HIPK1: variants seen among roughly 807,000 people sequenced by gnomAD.
HIPK1 encodes homeodomain-interacting protein kinase 1.
Under a neutral mutation model 117.1 loss-of-function variants are expected in HIPK1, and 28 were observed. That is an observed-to-expected ratio of 0.24 (90% confidence interval 0.18 to 0.33). HIPK1 has a LOEUF of 0.33. Ranked by LOEUF, HIPK1 falls within the 10% of genes least tolerant of loss-of-function variation. The pLI, the probability that HIPK1 is intolerant of heterozygous loss-of-function variation, is 1.00. For synonymous variants in HIPK1, 605 were observed against 562.5 expected (o/e 1.08, Z -1.07); for missense variants, 1,122 against 1,475.1 (o/e 0.76, Z 3.92).
chr1:113,963,379 C>T lies in HIPK1; in HGVS notation c.2104-8C>T, dbSNP rs199500099. ...TTGTTTCACTCACCTGCCTAATCTA[C>T]GTTTCAGGGAAGCTGTACACCACTA... On this transcript the variant is annotated splice_polypyrimidine_tract_variant and splice_region_variant and intron_variant, in intron 9 of 15. Coordinates refer to ENST00000426820, the MANE Select transcript of HIPK1 (RefSeq NM_198268.3). 3.6e-5 allele frequency: 58 copies of T among 1,612,832 alleles called. No homozygotes were observed. Among genetic ancestry groups the T allele is most frequent in the Admixed American group, 6.7e-5 (4 of 59,572 alleles).
chr1:113,966,290 C>T lies in HIPK1; in HGVS notation c.2381+18C>T. The T allele has an allele frequency of 6.2e-7, 1 of 1,602,924 alleles. No homozygotes were observed. Among genetic ancestry groups the T allele is most frequent in the Non-Finnish European group, 8.5e-7 (1 of 1,174,556 alleles). ...GACTGGAGGCAAGTGTCCTGTGTTACTCTGGGAGATTTGTAAGGGCCGATC... is the reference window on the plus strand; with the variant it reads ...GACTGGAGGCAAGTGTCCTGTGTTATTCTGGGAGATTTGTAAGGGCCGATC... On this transcript the variant is annotated intron_variant, in intron 11 of 15. Transcript: ENST00000426820.
Position 113,970,118 on chromosome 1 carries a change from T to G in HIPK1, c.2934T>G (p.Asp978Glu). ...VLEGPGRVVA[D>E]GTGTRTIIVP... Reference sequence around the variant, plus strand: ...AGGGGCCTGGCAGAGTTGTGGCAGATGGCACTGGCACCCGCACTATCATTG... The same window carrying G: ...AGGGGCCTGGCAGAGTTGTGGCAGAGGGCACTGGCACCCGCACTATCATTG... The change falls in exon 14 of 16, where the codon GAT (aspartate) becomes GAG (glutamate). Residue 978 changes from aspartate (D) to glutamate (E), a missense_variant. This residue lies in a region of HIPK1 where 731 missense variants were observed against 860.4 expected (regional missense o/e 0.85). Coordinates refer to ENST00000426820, the MANE Select transcript of HIPK1 (RefSeq NM_198268.3). 1 of 1,614,176 alleles carries G rather than the reference T, an allele frequency of 6.2e-7. No homozygotes were observed. Among genetic ancestry groups the G allele is most frequent in the South Asian group, 1.1e-5 (1 of 91,078 alleles).
intron 10 of HIPK1, among the ~76,000 whole-genome samples, chr1:113,963,954 G>C (rs563880847): frequency 6.6e-6 from 1 of 152,330 alleles, no homozygotes; most frequent in East Asian, 1.9e-4. Flanking sequence ...CCAAAATTGA[G>C]CTCGTTGGCA....
At position 113,955,926 on chromosome 1, in the gene HIPK1, AAATACTT is replaced by A. The variant is rs1671685796; in HGVS notation, c.1407+280_1407+286del. Among the ~76,000 whole-genome samples, 5 of 152,244 alleles carry A rather than the reference AAATACTT, an allele frequency of 3.3e-5. No individual in the cohort carries two copies. The South Asian group carries it at 1.0e-3, about 32-fold the overall frequency. ...AGTTTCTTGTCCCATTTTCTCTATT[AAATACTT>A]AAGAATTATATTTATTGAGCGCCTA... is the stretch of plus-strand genomic sequence containing the variant. On this transcript the variant is annotated intron_variant, in intron 5 of 15. Coordinates refer to ENST00000426820, the MANE Select transcript of HIPK1 (RefSeq NM_198268.3).
intron 5 of HIPK1, 133 bp from the exon 6 acceptor site, chr1:113,956,494 A>C: frequency 1.9e-6 from 1 of 523,158 alleles, no homozygotes; most frequent in Non-Finnish European, 3.2e-6. Context: ...TTAGATTTTC[A>C]TAAAAAGAAT....
At position 113,973,076 on chromosome 1, in the gene HIPK1, C is replaced by A. The variant is rs1468086674; in HGVS notation, c.3197C>A (p.Ala1066Asp). Residue 1066 changes from alanine to aspartate, a missense_variant, in exon 16 of 16, where the codon GCC (alanine) becomes GAC (aspartate). Physicochemically the swap from Ala to Asp is moderately radical, Grantham distance 126. Around this residue, in one of 6 missense-constraint regions of HIPK1, gnomAD observed 731 missense variants for 860.4 expected, o/e 0.85. Coordinates refer to ENST00000426820, the MANE Select transcript of HIPK1 (RefSeq NM_198268.3). The part of the protein sequence containing the change: ...PTSQERSSNP[A>D]PRRQQAFVAP... ...TCACAGGAGAGAAGCAGCAACCCAG[C>A]CCCCCGCAGGCAGCAGGCGTTTGTG... 2 of 1,530,472 alleles carry A rather than the reference C, an allele frequency of 1.3e-6. No homozygotes were observed. The highest frequency in any genetic ancestry group is 2.6e-5 in the South Asian group (2 of 76,700). The allele number at this position is 1,530,472 out of a possible 1,614,324, so 94.8% of individuals were successfully genotyped here.
intron 1 of HIPK1, among the ~76,000 whole-genome samples, chr1:113,939,332 T>C (rs1468696471): frequency 7.2e-6 from 1 of 138,336 alleles, no homozygotes; most frequent in African/African-American, 2.6e-5. Context: ...TTTCTGTTTT[T>C]TTTTTTTTTT....
At chr1:113,961,099 G>A (rs865972525) in intron 8 of HIPK1, among the ~76,000 whole-genome samples, 1 of 152,140 alleles carries the variant, frequency 6.6e-6, no homozygotes, top group Admixed American at 6.5e-5. Flanking sequence ...TGCAAGTTTC[G>A]ATAAAGTACA....
intron 13 of HIPK1, among the ~76,000 whole-genome samples, 168 bp from the exon 14 acceptor site, chr1:113,969,788 T>TC (rs1672698048): frequency 2.0e-5 from 3 of 152,036 alleles, no homozygotes; most frequent in Admixed American, 1.3e-4. Context: ...ACACCTGTAG[T>TC]CCCAGCTACT....
Position 113,952,862 on chromosome 1 carries a change from T to G in HIPK1, c.1173T>G (p.Leu391=), listed in dbSNP as rs1335925983. The G allele has an allele frequency of 6.5e-7, 1 of 1,544,898 alleles. No homozygotes were observed. Among genetic ancestry groups the G allele is most frequent in the Non-Finnish European group, 8.7e-7 (1 of 1,143,946 alleles). ...CTGAGCTGTTCCTGGGATGGCCTCT[T>G]TATCCTGGTGCTTCAGAATATGATC... ...VIAELFLGWP[L]YPGASEYDQI... The change falls in exon 3 of 16, where the codon CTT becomes CTG. Residue 391 remains leucine, a synonymous_variant. Coordinates refer to ENST00000426820, the MANE Select transcript of HIPK1 (RefSeq NM_198268.3).
At position 113,966,230 on chromosome 1, in the gene HIPK1, T is replaced by C; in HGVS notation, c.2339T>C (p.Ile780Thr). 1 of 1,614,074 alleles carries C rather than the reference T, an allele frequency of 6.2e-7. No homozygotes were observed. Among genetic ancestry groups the C allele is most frequent in the East Asian group, 2.2e-5 (1 of 44,876 alleles). The change falls in exon 11 of 16, where the codon ATT becomes ACT. Residue 780 changes from isoleucine (I) to threonine (T), a missense_variant. This residue lies in a region of HIPK1 where 731 missense variants were observed against 860.4 expected (regional missense o/e 0.85). Coordinates refer to ENST00000426820, the MANE Select transcript of HIPK1 (RefSeq NM_198268.3). Reference protein sequence around the residue: ...LHNSVQPTAMIPEAMGSGQQL... With the variant: ...LHNSVQPTAMTPEAMGSGQQL... The stretch of plus-strand genomic sequence containing the variant: ...AACTCTGTCCAGCCCACAGCAATGA[T>C]TCCAGAGGCCATGGGGAGTGGACAG...
intron 1 of HIPK1, chr1:113,930,916 C>T (rs1669845453): frequency 6.6e-6 from 1 of 152,218 alleles, no homozygotes; most frequent in Non-Finnish European, 1.5e-5. Flanking sequence ...CATTTAGAGG[C>T]AGTCCTAGAT....
At chr1:113,966,326 G>A (rs1672444900) in intron 11 of HIPK1, 54 bp downstream of exon 11, 2 of 1,531,160 alleles carry the variant, frequency 1.3e-6, no homozygotes, top group Admixed American at 4.1e-5. Flanking sequence ...CCATAGGGTG[G>A]GAGCACTTGG....
chr1:113,970,591 A>T (rs981781727), intron 14 of HIPK1, among the ~76,000 whole-genome samples: 1 of 152,212 alleles, frequency 6.6e-6, no homozygotes, highest in Non-Finnish European at 1.5e-5. Flanking sequence ...TTTGGAAAAC[A>T]GTTATATTCT....
intron 2 of HIPK1, among the ~76,000 whole-genome samples, chr1:113,950,210 C>G (rs1168360447): frequency 6.6e-6 from 1 of 152,012 alleles, no homozygotes; most frequent in Non-Finnish European, 1.5e-5. Flanking sequence ...TCCTTGCCTT[C>G]CCTCAACCCC....
intron 8 of HIPK1, among the ~76,000 whole-genome samples, chr1:113,960,007 CAG>C (rs2101386074): frequency 6.6e-6 from 1 of 152,302 alleles, no homozygotes; most frequent in East Asian, 1.9e-4. Context: ...GATTTGAACC[CAG>C]GCAGGGGAAT....
chr1:113,940,440 C>T lies in HIPK1; in HGVS notation c.57C>T (p.Cys19=), dbSNP rs753174192. 5.6e-6 allele frequency: 9 copies of T among 1,613,940 alleles called. No homozygotes were observed. In the Admixed American group the frequency reaches 1.2e-4, roughly 21 times the overall value. ...SPPSVSSSAF[C]SAKKLKIEPS... ...CATCAGTGTCGTCGAGTGCCTTCTGCAGTGCGAAGAAACTGAAAATAGAGC... is the reference window on the plus strand; with the variant it reads ...CATCAGTGTCGTCGAGTGCCTTCTGTAGTGCGAAGAAACTGAAAATAGAGC... Residue 19 remains cysteine (C), a synonymous_variant, in exon 2 of 16, where the codon TGC becomes TGT. Transcript: ENST00000426820.
intron 8 of HIPK1, among the ~76,000 whole-genome samples, chr1:113,960,777 A>T (rs1672050786): frequency 6.6e-6 from 1 of 152,198 alleles, no homozygotes; most frequent in African/African-American, 2.4e-5. Flanking sequence ...TTAGTGTTTT[A>T]ATTCTGATTT....
chr1:113,951,534 T>A (rs1671363088), intron 2 of HIPK1, among the ~76,000 whole-genome samples: 1 of 152,256 alleles, frequency 6.6e-6, no homozygotes. Context: ...TAAAGTTCCC[T>A]AGCATTTTAT....
Sources: allele counts gnomAD v4.1 joint callset (sites outside exome capture counted in the v4.1 genomes callset), GRCh38; gene constraint gnomAD v4.1.1; regional missense constraint gnomAD v4.1.1; transcripts MANE v1.5; gene names NCBI Gene and HGNC (gene_info 2026-07-23, HGNC 2026-07-21).